NTAQ1: variants seen among roughly 807,000 people sequenced by gnomAD.
NTAQ1 encodes the protein protein N-terminal glutamine amidohydrolase.
NTAQ1 carries 21 observed loss-of-function variants against 28.2 expected under a neutral mutation model. That is an observed-to-expected ratio of 0.74 (90% confidence interval 0.53 to 1.07). The LOEUF (loss-of-function observed/expected upper bound fraction) is 1.07. Among genes scored for constraint, NTAQ1 ranks in the 50% least tolerant of loss-of-function variants. The pLI is 0.00. For synonymous variants in NTAQ1, 105 were observed against 90.0 expected (o/e 1.17, Z -0.94); for missense variants, 264 against 256.6 (o/e 1.03, Z -0.20).
chr8:123,464,494 G>A (rs1815914508), intron 6 of NTAQ1, among the ~76,000 whole-genome samples: 1 of 152,164 alleles, frequency 6.6e-6, no homozygotes, highest in Non-Finnish European at 1.5e-5. Context: ...GTAGAGAGAC[G>A]CCACTGGAGA....
chr8:123,436,396 A>G, intron 3 of NTAQ1, 57 bp from the exon 4 acceptor site: 1 of 1,558,524 alleles, frequency 6.4e-7, no homozygotes, highest in East Asian at 2.2e-5. Context: ...GTGTCTGAAT[A>G]CTGGGATTTC....
At chr8:123,440,375 C>T (rs1329054628) in intron 5 of NTAQ1, among the ~76,000 whole-genome samples, 7 of 151,292 alleles carry the variant, frequency 4.6e-5, no homozygotes, top group African/African-American at 1.5e-4. Context: ...AGGCTGGTCT[C>T]GAACTCCTGA....
Position 123,464,493 on chromosome 8 carries a change from C to T in NTAQ1, c.373-2586C>T, listed in dbSNP as rs564338248. Reference sequence around the variant, plus strand: ...ATGAGGAGGAGGAAGGGTAGAGAGACGCCACTGGAGAGAGCATTGCCAGGC... The same window carrying T: ...ATGAGGAGGAGGAAGGGTAGAGAGATGCCACTGGAGAGAGCATTGCCAGGC... On this transcript the variant is annotated intron_variant, in intron 6 of 6. Transcript: ENST00000650311. 7.9e-5 allele frequency among the ~76,000 whole-genome samples: 12 copies of T among 152,264 alleles called. No individual in the cohort carries two copies. In the East Asian group the frequency reaches 1.3e-3, roughly 17 times the overall value.
At chr8:123,442,921 G>A (rs1297690349), downstream of NTAQ1, among the ~76,000 whole-genome samples, 5 of 152,014 alleles carry the variant, frequency 3.3e-5, no homozygotes, top group Admixed American at 1.3e-4. Context: ...GCCCACTTTC[G>A]CCTCCCGAAG....
chr8:123,452,529 A>G (rs1473995608), downstream of NTAQ1, among the ~76,000 whole-genome samples: 2 of 151,290 alleles, frequency 1.3e-5, no homozygotes, highest in African/African-American at 2.4e-5. Flanking sequence ...CCCAGGAGGC[A>G]GAGGTTGCAG....
chr8:123,474,664 G>A (rs1204339025), downstream of NTAQ1, among the ~76,000 whole-genome samples: 1 of 152,164 alleles, frequency 6.6e-6, no homozygotes, highest in Non-Finnish European at 1.5e-5. Flanking sequence ...TAGCACTGTG[G>A]GAGGCCAAGG....
intron 6 of NTAQ1, among the ~76,000 whole-genome samples, chr8:123,455,923 G>T (rs1373705598): frequency 6.6e-6 from 1 of 152,182 alleles, no homozygotes; most frequent in Non-Finnish European, 1.5e-5. Context: ...ACAGAAAGTG[G>T]CAAGAGAGGT....
At chr8:123,458,136 A>G (rs368713562) in intron 6 of NTAQ1, among the ~76,000 whole-genome samples, 100 of 111,146 alleles carry the variant, frequency 9.0e-4, no homozygotes, top group Middle Eastern at 9.3e-3. Context: ...AGGTCTTGCT[A>G]TGTTGCCCAG....
Position 123,430,091 on chromosome 8 carries a change from C to T in NTAQ1, c.234+58C>T, listed in dbSNP as rs773427174. 3.6e-6 allele frequency: 5 copies of T among 1,406,172 alleles called. No individual in the cohort carries two copies. The Admixed American group carries it at 7.4e-5, about 21-fold the overall frequency. The allele number at this position is 1,406,172 out of a possible 1,614,324, so 87.1% of individuals were successfully genotyped here. A position where few individuals can be genotyped will look rare whatever the true frequency, so the allele number is the denominator to read the frequency against. On this transcript the variant is annotated intron_variant, in intron 3 of 5. Transcript: ENST00000287387. ...TTATGACTTGTAACCCCTTAGTGTT[C>T]TGTATGTTTTGGTAAAGCAGAAGTG...
chr8:123,431,700 G>A (rs950497603), intron 3 of NTAQ1, among the ~76,000 whole-genome samples: 10 of 152,158 alleles, frequency 6.6e-5, no homozygotes, highest in African/African-American at 2.4e-4. Context: ...CCTCTCATTG[G>A]TCAGCTGTGG....
At chr8:123,444,577 G>T (rs1815200199), downstream of NTAQ1, among the ~76,000 whole-genome samples, 1 of 152,182 alleles carries the variant, frequency 6.6e-6, no homozygotes, top group Admixed American at 6.6e-5. Context: ...CATGATCTTG[G>T]CTCACTGCAA....
At chr8:123,470,911 CTTTTTTCT>C (rs1183654748), downstream of NTAQ1, among the ~76,000 whole-genome samples, 8 of 107,038 alleles carry the variant, frequency 7.5e-5, no homozygotes, top group Non-Finnish European at 5.2e-5. Context: ...TTTCTCCTTC[CTTTTTTCT>C]TTTTTTTTTT....
rs1554650163 is a variant in NTAQ1, at chr8:123,418,461, A to AT, written c.83+1529_83+1530insT. Among the ~76,000 whole-genome samples, 151 of 149,328 alleles carry AT rather than the reference A, an allele frequency of 1.0e-3. No homozygotes were observed. In the Middle Eastern group the frequency reaches 0.01, roughly 10 times the overall value. On this transcript the variant is annotated intron_variant, in intron 1 of 5. Transcript: ENST00000287387. ...AGACTCCATCTCAAAAAAAAAAAAAAAATAAAAAGCCAAAAAAACAAGTAA... is the reference window on the plus strand; with the variant it reads ...AGACTCCATCTCAAAAAAAAAAAAAATAATAAAAAGCCAAAAAAACAAGTAA...
chr8:123,428,538 G>A (rs1180989760), intron 2 of NTAQ1, among the ~76,000 whole-genome samples: 2 of 152,058 alleles, frequency 1.3e-5, no homozygotes, highest in South Asian at 2.1e-4. Flanking sequence ...GATGGTCTAC[G>A]CAGATAAAGT....
chr8:123,417,327 G>A lies in NTAQ1; in HGVS notation c.83+395G>A, dbSNP rs1813360250. On this transcript the variant is annotated intron_variant, in intron 1 of 5. Transcript: ENST00000287387. ...AATTTTGTAAGAGAATGAAGGCACG[G>A]AGAGTTTTTCATACAGCACTTGCTA... 2.6e-5 allele frequency among the ~76,000 whole-genome samples: 4 copies of A among 152,292 alleles called. No homozygotes were observed. In the South Asian group the frequency reaches 8.3e-4, roughly 32 times the overall value.
chr8:123,419,484 G>C (rs1289505415), intron 1 of NTAQ1, among the ~76,000 whole-genome samples: 1 of 152,090 alleles, frequency 6.6e-6, no homozygotes, highest in Admixed American at 6.6e-5. Flanking sequence ...TGTTACTTAC[G>C]CTTCAAGACC....
At chr8:123,427,881 T>C (rs1814158318) in intron 1 of NTAQ1, 43 bp from the exon 2 acceptor site, 10 of 1,487,442 alleles carry the variant, frequency 6.7e-6, no homozygotes, top group African/African-American at 1.4e-5. Context: ...AAAAGACACA[T>C]AGAATGTTCT....
intron 3 of NTAQ1, among the ~76,000 whole-genome samples, chr8:123,435,881 T>G (rs3955451): frequency 0.39 from 54,434 of 138,484 alleles, 9,932 homozygotes; most frequent in East Asian, 0.58. Context: ...AAAAAAAATA[T>G]GTGGGGCCAG....
At position 123,416,823 on chromosome 8, in the gene NTAQ1, C is replaced by T; in HGVS notation, c.-27C>T. The T allele has an allele frequency of 6.6e-7, 1 of 1,522,094 alleles. No individual in the cohort carries two copies. Among genetic ancestry groups the T allele is most frequent in the South Asian group, 1.2e-5 (1 of 81,212 alleles). 94.3% of individuals were successfully genotyped at this position (1,522,094 alleles called of 1,614,324 possible). A position where few individuals can be genotyped will look rare whatever the true frequency, so the allele number is the denominator to read the frequency against. ...TCTGGTCCAGTCGGTCTTCCTCCGG[C>T]CCGGGCCCTGGCCCAGCTAGCCGGC... On this transcript the variant is annotated 5_prime_UTR_variant, in exon 1 of 6. Transcript: ENST00000287387.
Sources: allele counts gnomAD v4.1 joint callset (sites outside exome capture counted in the v4.1 genomes callset), GRCh38; gene constraint gnomAD v4.1.1; transcripts MANE v1.5; gene names NCBI Gene and HGNC (gene_info 2026-07-23, HGNC 2026-07-21).